Variants in SH3TC2 observed in about 807,000 individuals in gnomAD.
The protein encoded by SH3TC2 is SH3 domain and tetratricopeptide repeats 2.
Under a neutral mutation model 124.5 loss-of-function variants are expected in SH3TC2, and 87 were observed. The observed-to-expected ratio is 0.70, with a 90% CI of 0.59 to 0.84. The LOEUF is 0.84. SH3TC2 is among the 40% of genes least tolerant of loss of function. The pLI is 0.00. For synonymous variants in SH3TC2, 634 were observed against 628.5 expected, an observed-to-expected ratio of 1.01 and a Z score of -0.13; for missense variants, 1,536 against 1,566.4, an observed-to-expected ratio of 0.98 and a Z score of 0.33.
At chr5:149,047,728 A>T in intron 3 of SH3TC2, 134 bp downstream of exon 3, 1 of 1,171,512 alleles carries the variant, frequency 8.5e-7, no homozygotes, top group Non-Finnish European at 1.3e-6. Flanking sequence ...GGAATCTTTC[A>T]TTCATTCAGT....
At chr5:149,024,752 C>T (rs1283685731) in intron 12 of SH3TC2, among the ~76,000 whole-genome samples, 1 of 152,158 alleles carries the variant, frequency 6.6e-6, no homozygotes, top group African/African-American at 2.4e-5. Flanking sequence ...TAGACCCACC[C>T]CTGACCTCCT....
intron 1 of SH3TC2, among the ~76,000 whole-genome samples, chr5:149,053,053 C>T (rs973823534): frequency 1.3e-5 from 2 of 152,110 alleles, no homozygotes; most frequent in African/African-American, 4.8e-5. Context: ...AGAACTGTAC[C>T]ATGGAGTCAG....
chr5:149,045,154 G>A (rs1398882887), intron 3 of SH3TC2: 5 of 153,016 alleles, frequency 3.3e-5, no homozygotes, highest in Non-Finnish European at 5.8e-5. Context: ...AAGATCATCA[G>A]TGTTAACATC....
At position 149,038,327 on chromosome 5, in the gene SH3TC2, G is replaced by A; in HGVS notation, c.969C>T (p.Thr323=). ...AATAAGAATCAGGATCTATGTTCCT[G>A]GTGGGGACAAAGCCCACTTGTCCTG... The part of the protein sequence containing the change: ...TSSGQVGFVP[T]RNIDPDSYSP... Residue 323 remains threonine (T), a synonymous_variant, in exon 8 of 17, where the codon ACC becomes ACT. Coordinates refer to ENST00000515425, the MANE Select transcript of SH3TC2 (RefSeq NM_024577.4). 2.5e-6 allele frequency: 4 copies of A among 1,614,140 alleles called. No individual in the cohort carries two copies. The highest frequency in any genetic ancestry group is 3.4e-6 in the Non-Finnish European group (4 of 1,180,014).
At chr5:149,053,818 A>C (rs1043981914) in intron 1 of SH3TC2, among the ~76,000 whole-genome samples, 77 of 152,038 alleles carry the variant, frequency 5.1e-4, no homozygotes, top group African/African-American at 1.8e-3. Context: ...ATATTGCTTC[A>C]TCCCAGCTAA....
intron 16 of SH3TC2, among the ~76,000 whole-genome samples, 169 bp downstream of exon 16, chr5:149,006,712 G>A (rs1730281179): frequency 6.6e-6 from 1 of 152,184 alleles, no homozygotes; most frequent in East Asian, 1.9e-4. Flanking sequence ...TAAGTGGAAA[G>A]AGCTTCCATG....
rs1348034982 is a variant in SH3TC2, at chr5:149,012,626, G to A, written c.3162C>T (p.His1054=). 1 of 1,614,026 alleles carries A rather than the reference G, an allele frequency of 6.2e-7. No individual in the cohort carries two copies. Among genetic ancestry groups the A allele is most frequent in the Non-Finnish European group, 8.5e-7 (1 of 1,180,024 alleles). ...AEAWLGAGRL[H]YLMQEDELVE... is the part of the protein sequence containing the mutation. ...CCAGCTCGTCTTCCTGCATGAGGTA[G>A]TGGAGTCGCCCCGCCCCAAGCCAGG... The change falls in exon 13 of 17, where the codon CAC becomes CAT. Residue 1054 remains histidine (H), a synonymous_variant. Transcript: ENST00000515425.
At chr5:149,057,924 A>G (rs1039728983) in intron 1 of SH3TC2, among the ~76,000 whole-genome samples, 1 of 152,210 alleles carries the variant, frequency 6.6e-6, no homozygotes, top group African/African-American at 2.4e-5. Flanking sequence ...AGTTAAGCCA[A>G]TGAGAATTAG....
At chr5:149,005,048 T>A in intron 16 of SH3TC2, 146 bp from the exon 17 acceptor site, 1 of 926,438 alleles carries the variant, frequency 1.1e-6, no homozygotes, top group Non-Finnish European at 1.7e-6. Flanking sequence ...ATCTCCTGAG[T>A]CCTTAGGGAG....
intron 4 of SH3TC2, 69 bp from the exon 5 acceptor site, chr5:149,042,906 G>A: frequency 6.3e-7 from 1 of 1,589,520 alleles, no homozygotes; most frequent in Non-Finnish European, 8.6e-7. Context: ...AGAAGAGAGT[G>A]AGAAAATTCC....
At chr5:149,016,739 C>G (rs1453816119) in intron 12 of SH3TC2, among the ~76,000 whole-genome samples, 1 of 151,918 alleles carries the variant, frequency 6.6e-6, no homozygotes, top group African/African-American at 2.4e-5. Flanking sequence ...TCCTGGCTAA[C>G]ACGGTGAAAC....
Position 148,983,487 on chromosome 5 carries a change from A to T in SH3TC2, c.*21224T>A, listed in dbSNP as rs1164608237. On this transcript the variant is annotated 3_prime_UTR_variant, in exon 17 of 17. Transcript: ENST00000515425. ...CATGCTGAACCCCCGAACTCAGTTT[A>T]TCCAGGTGGAGGTCCCAAGAAACCA... 6.6e-6 allele frequency among the ~76,000 whole-genome samples: 1 copy of T among 152,316 alleles called. No homozygotes were observed. Among genetic ancestry groups the T allele is most frequent in the Non-Finnish European group, 1.5e-5 (1 of 68,020 alleles).
At chr5:149,040,800 G>T in intron 6 of SH3TC2, 123 bp from the exon 7 acceptor site, 2 of 868,288 alleles carry the variant, frequency 2.3e-6, no homozygotes, top group Non-Finnish European at 3.8e-6. Context: ...TTAAATGATG[G>T]CAAAAGTTTA....
rs897567049 is a variant in SH3TC2, at chr5:148,997,182, C to G, written c.*7529G>C. ...CTTCCTTCTGCTACCACCATTGGAG[C>G]TACGGGTACTATGATGGGTGAGACC... is the stretch of plus-strand genomic sequence containing the variant. On this transcript the variant is annotated 3_prime_UTR_variant, in exon 17 of 17. Coordinates refer to ENST00000515425, the MANE Select transcript of SH3TC2 (RefSeq NM_024577.4). Among the ~76,000 whole-genome samples the G allele has an allele frequency of 2.6e-5, 4 of 152,174 alleles. No homozygotes were observed. Among genetic ancestry groups the G allele is most frequent in the Non-Finnish European group, 5.9e-5 (4 of 68,034 alleles).
At position 149,062,983 on chromosome 5, in the gene SH3TC2, T is replaced by A; in HGVS notation, c.40A>T (p.Thr14Ser). The A allele has an allele frequency of 6.3e-7, 1 of 1,596,938 alleles. No homozygotes were observed. The part of the protein sequence containing the change: ...CFCIPRERSL[T>S]RGPGKETPSK... ...CTGGGAAACTCACCTGGGCCCCGGG[T>A]CAGACTCCGCTCCCTGGGGATGCAG... Residue 14 changes from threonine (T) to serine (S), a missense_variant, in exon 1 of 17, where the codon ACC (threonine) becomes TCC (serine). This residue lies in a region of SH3TC2 where 1,102 missense variants were observed against 1,098.6 expected (regional missense o/e 1.00). Coordinates refer to ENST00000515425, the MANE Select transcript of SH3TC2 (RefSeq NM_024577.4).
At chr5:149,042,576 A>T in intron 5 of SH3TC2, 118 bp downstream of exon 5, 1 of 1,295,836 alleles carries the variant, frequency 7.7e-7, no homozygotes, top group Non-Finnish European at 1.1e-6. Flanking sequence ...AGGTGGGTTC[A>T]TTTGTGAATA....
intron 4 of SH3TC2, chr5:149,043,540 T>A (rs1022565457): frequency 1.3e-5 from 2 of 152,600 alleles, no homozygotes; most frequent in Non-Finnish European, 2.9e-5. Flanking sequence ...GCCTTATGTA[T>A]CTTCTATAAT....
chr5:149,010,156 G>A, intron 14 of SH3TC2, 114 bp downstream of exon 14: 2 of 1,470,726 alleles, frequency 1.4e-6, no homozygotes, highest in Non-Finnish European at 1.9e-6. Context: ...AAGAAAGAGA[G>A]AAAAATGAAA....
At chr5:149,017,957 A>G (rs1056728512) in intron 12 of SH3TC2, among the ~76,000 whole-genome samples, 3 of 152,214 alleles carry the variant, frequency 2.0e-5, no homozygotes, top group African/African-American at 7.2e-5. Context: ...ATCTATTTTC[A>G]TACTACAACT....
Sources: allele counts gnomAD v4.1 joint callset (sites outside exome capture counted in the v4.1 genomes callset), GRCh38; gene constraint gnomAD v4.1.1; regional missense constraint gnomAD v4.1.1; transcripts MANE v1.5; gene names NCBI Gene and HGNC (gene_info 2026-07-23, HGNC 2026-07-21).